Variants in CSMD1 observed in about 807,000 individuals in gnomAD.
The protein encoded by CSMD1 is CUB and Sushi multiple domains 1.
Under a neutral mutation model 417.5 loss-of-function variants are expected in CSMD1, and 213 were observed. That is an observed-to-expected ratio of 0.51 (90% CI 0.46 to 0.57). CSMD1 has a LOEUF of 0.57. Among genes scored for constraint, CSMD1 ranks in the 20% least tolerant of loss-of-function variants. The probability of loss-of-function intolerance (pLI) is 0.00; values close to 1 mark genes in which losing one functional copy is unlikely to be tolerated. For synonymous variants in CSMD1, 2,862 were observed against 1,736.8 expected (o/e 1.65, Z -16.11); for missense variants, 6,923 against 4,529.7 (o/e 1.53, Z -15.17).
intron 37 of CSMD1, among the ~76,000 whole-genome samples, chr8:3,176,845 C>G (rs1755206674): frequency 6.6e-6 from 1 of 150,692 alleles, no homozygotes; most frequent in Admixed American, 6.7e-5. Context: ...GTGGTGCAAT[C>G]ATGGCTGTCT....
intron 8 of CSMD1, among the ~76,000 whole-genome samples, chr8:3,599,479 G>C (rs1801256550): frequency 2.0e-5 from 3 of 151,732 alleles, no homozygotes; most frequent in Admixed American, 2.0e-4. Context: ...CGCAGCATTA[G>C]TAACCCCAAC....
chr8:4,276,998 G>C (rs528062204), intron 3 of CSMD1, among the ~76,000 whole-genome samples: 1 of 151,998 alleles, frequency 6.6e-6, no homozygotes, highest in African/African-American at 2.4e-5. Context: ...ATAAACTCCA[G>C]GTTAAGTTTA....
At chr8:4,066,964 C>T (rs557591485) in intron 3 of CSMD1, among the ~76,000 whole-genome samples, 1 of 152,212 alleles carries the variant, frequency 6.6e-6, no homozygotes, top group African/African-American at 2.4e-5. Context: ...AGGGTGGAAC[C>T]TAATGAGTAT....
At chr8:3,275,259 C>T (rs535798389) in intron 26 of CSMD1, among the ~76,000 whole-genome samples, 66 of 152,256 alleles carry the variant, frequency 4.3e-4, no homozygotes, top group Middle Eastern at 6.8e-3. Flanking sequence ...TATTGGCCAC[C>T]GCTCTCTTCT....
intron 11 of CSMD1, among the ~76,000 whole-genome samples, chr8:3,486,088 T>A (rs946907309): frequency 2.6e-5 from 4 of 152,142 alleles, no homozygotes; most frequent in African/African-American, 9.7e-5. Flanking sequence ...CAAGAAACAA[T>A]ACTGGTGCAT....
intron 1 of CSMD1, among the ~76,000 whole-genome samples, chr8:4,878,253 A>G (rs921886328): frequency 6.6e-6 from 1 of 152,088 alleles, no homozygotes; most frequent in African/African-American, 2.4e-5. Context: ...AAGGAAAGGA[A>G]AAAAGTAAAT....
At chr8:3,531,281 T>C (rs1797969279) in intron 10 of CSMD1, among the ~76,000 whole-genome samples, 5 of 152,212 alleles carry the variant, frequency 3.3e-5, no homozygotes, top group Non-Finnish European at 1.5e-5. Flanking sequence ...ATATTAATTA[T>C]TATTATTTGT....
At position 3,168,435 on chromosome 8, in the gene CSMD1, C is replaced by T. The variant is rs142355230; in HGVS notation, c.5726-6158G>A. On this transcript the variant is annotated intron_variant, in intron 37 of 69. Transcript: ENST00000635120. ...TCGTTATTTTTGTTAACTCTTAATT[C>T]GAAAAATCGCATTAAAGTTGAGATA... 2.9e-3 allele frequency among the ~76,000 whole-genome samples: 441 copies of T among 152,026 alleles called. 2 individuals carry two copies. The highest frequency in any genetic ancestry group is 9.7e-3 in the African/African-American group (401 of 41,420).
intron 6 of CSMD1, among the ~76,000 whole-genome samples, chr8:3,723,679 G>A (rs886158560): frequency 2.0e-5 from 3 of 152,106 alleles, no homozygotes; most frequent in Non-Finnish European, 2.9e-5. Context: ...GACTTTTTTT[G>A]GTAAGAGCAG....
intron 3 of CSMD1, among the ~76,000 whole-genome samples, chr8:4,143,101 T>C (rs1198385077): frequency 2.0e-5 from 3 of 148,172 alleles, no homozygotes; most frequent in Admixed American, 1.3e-4. Flanking sequence ...CTTCATCTAT[T>C]AACTTGGGAA....
intron 10 of CSMD1, among the ~76,000 whole-genome samples, chr8:3,499,714 C>A (rs1421379853): frequency 1.3e-5 from 2 of 151,984 alleles, no homozygotes; most frequent in Non-Finnish European, 2.9e-5. Flanking sequence ...GTCTTGAGTG[C>A]TGGGTTCAGG....
In CSMD1 at chr8:4,557,230, T is replaced by A. The variant is rs145818941; in HGVS notation, c.302+80112A>T. ...CAAACCTGCTACCAGACAGCTACCC[T>A]CAGTGCTATTCCTAGAATTTCTTAG... On this transcript the variant is annotated intron_variant, in intron 2 of 69. Transcript: ENST00000635120. Among the ~76,000 whole-genome samples the A allele has an allele frequency of 4.6e-3, 704 of 152,308 alleles. 1 individual carries two copies. The highest frequency in any genetic ancestry group is 0.01 in the Middle Eastern group (3 of 294).
intron 1 of CSMD1, among the ~76,000 whole-genome samples, chr8:4,789,079 A>G (rs896850160): frequency 6.6e-6 from 1 of 152,210 alleles, no homozygotes; most frequent in African/African-American, 2.4e-5. Context: ...CCTCAGAATC[A>G]CCATCCAGAA....
intron 3 of CSMD1, among the ~76,000 whole-genome samples, chr8:4,194,135 A>C (rs781624530): frequency 6.6e-6 from 1 of 152,220 alleles, no homozygotes; most frequent in South Asian, 2.1e-4. Context: ...GCAGAATGAT[A>C]AAAATGACCA....
intron 12 of CSMD1, among the ~76,000 whole-genome samples, chr8:3,460,481 T>G (rs1056543232): frequency 6.6e-6 from 1 of 152,186 alleles, no homozygotes; most frequent in Non-Finnish European, 1.5e-5. Flanking sequence ...TTAAAAAAGA[T>G]AATTCTGACT....
At chr8:3,428,830 G>A (rs1341851823) in intron 12 of CSMD1, among the ~76,000 whole-genome samples, 1 of 152,140 alleles carries the variant, frequency 6.6e-6, no homozygotes, top group East Asian at 1.9e-4. Context: ...ATGAATAATG[G>A]TAAAAATGTG....
chr8:3,301,616 G>A (rs190831205), intron 25 of CSMD1, among the ~76,000 whole-genome samples: 1 of 152,194 alleles, frequency 6.6e-6, no homozygotes, highest in Non-Finnish European at 1.5e-5. Flanking sequence ...GAGCACCACA[G>A]TAGCACAGGC....
chr8:3,233,128 C>T (rs1442153484), intron 26 of CSMD1, among the ~76,000 whole-genome samples: 2 of 150,368 alleles, frequency 1.3e-5, no homozygotes, highest in Admixed American at 6.6e-5. Flanking sequence ...CCTAATTTTT[C>T]TACTTCATAA....
intron 2 of CSMD1, among the ~76,000 whole-genome samples, chr8:4,554,286 G>C (rs534260872): frequency 6.6e-5 from 10 of 151,992 alleles, no homozygotes; most frequent in Non-Finnish European, 1.2e-4. Flanking sequence ...ACAGGCATGC[G>C]TCACGATGCC....
Sources: gnomAD v4.1 joint callset for allele counts (sites outside exome capture counted in the v4.1 genomes callset) on GRCh38, gnomAD v4.1.1 for gene constraint, MANE v1.5 for transcripts, NCBI Gene and HGNC (gene_info 2026-07-23, HGNC 2026-07-21) for gene names.